Variants in EPHA6 observed in about 807,000 individuals in gnomAD.
The protein encoded by EPHA6 is ephrin type-A receptor 6.
Under a neutral mutation model 112.0 loss-of-function variants are expected in EPHA6, and 50 were observed. The ratio of observed to expected loss-of-function variants is 0.45; its 90% CI spans 0.36 to 0.56. EPHA6 has a LOEUF of 0.56. Ranked by LOEUF, EPHA6 falls within the 20% of genes least tolerant of loss-of-function variation. The pLI, the probability that EPHA6 is intolerant of heterozygous loss-of-function variation, is 0.00. For missense variants in EPHA6, 1,280 were observed against 1,417.4 expected, an observed-to-expected ratio of 0.90 and a Z score of 1.56; for synonymous variants, 529 against 490.7, an observed-to-expected ratio of 1.08 and a Z score of -1.03.
intron 6 of EPHA6, among the ~76,000 whole-genome samples, chr3:97,435,739 T>C (rs1338643820): frequency 6.6e-6 from 1 of 152,192 alleles, no homozygotes; most frequent in Non-Finnish European, 1.5e-5. Context: ...TATGGCTTCA[T>C]CCTAGGTATT....
At chr3:96,937,072 G>A (rs560643289) in intron 2 of EPHA6, among the ~76,000 whole-genome samples, 6 of 152,200 alleles carry the variant, frequency 3.9e-5, no homozygotes, top group East Asian at 1.9e-4. Flanking sequence ...ATAAACATAC[G>A]TGTGCATGTG....
At chr3:97,092,995 G>T (rs1346459238) in intron 3 of EPHA6, among the ~76,000 whole-genome samples, 1 of 151,928 alleles carries the variant, frequency 6.6e-6, no homozygotes, top group Non-Finnish European at 1.5e-5. Flanking sequence ...CCACTTGGTG[G>T]GTAGAATAAG....
chr3:97,658,583 C>T (rs1338033137), intron 14 of EPHA6, among the ~76,000 whole-genome samples: 2 of 151,834 alleles, frequency 1.3e-5, no homozygotes, highest in Admixed American at 6.6e-5. Flanking sequence ...TTTTAAGGCA[C>T]TTGGAAACGA....
chr3:97,207,370 T>C (rs2077741323), intron 3 of EPHA6, among the ~76,000 whole-genome samples: 1 of 152,158 alleles, frequency 6.6e-6, no homozygotes, highest in Non-Finnish European at 1.5e-5. Flanking sequence ...TTCTCACAAG[T>C]GCCCATACTC....
At chr3:97,026,555 TA>T (rs1336261867) in intron 3 of EPHA6, among the ~76,000 whole-genome samples, 2 of 152,120 alleles carry the variant, frequency 1.3e-5, no homozygotes, top group Non-Finnish European at 2.9e-5. Flanking sequence ...GACTTGGCTG[TA>T]AGTCTAATAT....
In EPHA6 at chr3:97,432,356, A is replaced by G. The variant is rs563271405; in HGVS notation, c.1732-16212A>G. Among the ~76,000 whole-genome samples, 7 of 152,292 alleles carry G rather than the reference A, an allele frequency of 4.6e-5. No homozygotes were observed. In the South Asian group the frequency reaches 1.2e-3, roughly 27 times the overall value. On this transcript the variant is annotated intron_variant, in intron 6 of 17. Transcript: ENST00000389672. ...AATTACGTTCACAACAGCATTGATAATCATTCTAACATTTAATGAGGATGT... is the reference window on the plus strand; with the variant it reads ...AATTACGTTCACAACAGCATTGATAGTCATTCTAACATTTAATGAGGATGT...
At position 97,292,007 on chromosome 3, in the gene EPHA6, A is replaced by C. The variant is rs541876896; in HGVS notation, c.1606+47720A>C. 7.2e-5 allele frequency among the ~76,000 whole-genome samples: 11 copies of C among 152,358 alleles called. No homozygotes were observed. The South Asian group carries it at 2.3e-3, about 32-fold the overall frequency. On this transcript the variant is annotated intron_variant, in intron 5 of 17. Coordinates refer to ENST00000389672, the MANE Select transcript of EPHA6 (RefSeq NM_001080448.3). ...ACGGAGCAGTGGGGGGTATGTGAGCAAACAAGCACAGGGTCCAGCCGCTGC... is the reference window on the plus strand; with the variant it reads ...ACGGAGCAGTGGGGGGTATGTGAGCCAACAAGCACAGGGTCCAGCCGCTGC...
intron 4 of EPHA6, among the ~76,000 whole-genome samples, chr3:97,231,060 T>C (rs2078509698): frequency 6.6e-6 from 1 of 152,156 alleles, no homozygotes; most frequent in African/African-American, 2.4e-5. Context: ...AAATAATCCT[T>C]ATGCCAAAGA....
intron 5 of EPHA6, among the ~76,000 whole-genome samples, chr3:97,385,661 A>G (rs2086019398): frequency 6.6e-6 from 1 of 152,146 alleles, no homozygotes; most frequent in Admixed American, 6.6e-5. Flanking sequence ...GGGAATGGGT[A>G]GTTTACAAAG....
chr3:97,100,993 T>A (rs1449134191), intron 3 of EPHA6, among the ~76,000 whole-genome samples: 1 of 152,030 alleles, frequency 6.6e-6, no homozygotes, highest in African/African-American at 2.4e-5. Context: ...AATTATTTGA[T>A]AATGGAGTTT....
intron 1 of EPHA6, among the ~76,000 whole-genome samples, chr3:96,841,437 C>G (rs527939071): frequency 6.6e-6 from 1 of 152,138 alleles, no homozygotes; most frequent in South Asian, 2.1e-4. Flanking sequence ...TTTCGATTTC[C>G]AAACACGTGT....
At chr3:97,469,456 CT>C (rs2091158368) in intron 7 of EPHA6, among the ~76,000 whole-genome samples, 1 of 151,638 alleles carries the variant, frequency 6.6e-6, no homozygotes, top group Non-Finnish European at 1.5e-5. Context: ...TCTAGAGAAT[CT>C]TTTTTATTTG....
intron 2 of EPHA6, among the ~76,000 whole-genome samples, chr3:96,983,852 T>G (rs765063106): frequency 3.3e-5 from 5 of 152,258 alleles, no homozygotes; most frequent in Non-Finnish European, 7.3e-5. Flanking sequence ...AATCAGCTAC[T>G]GAAGCTTGTG....
chr3:97,487,945 G>T (rs1334494285), intron 10 of EPHA6, among the ~76,000 whole-genome samples: 2 of 152,140 alleles, frequency 1.3e-5, no homozygotes, highest in African/African-American at 2.4e-5. Flanking sequence ...TACATATCTT[G>T]CAAGATATGA....
At chr3:97,521,841 G>A (rs2092547673) in intron 10 of EPHA6, among the ~76,000 whole-genome samples, 1 of 151,274 alleles carries the variant, frequency 6.6e-6, no homozygotes, top group African/African-American at 2.4e-5. Context: ...CTGAATACAA[G>A]GAGTTGAAAG....
At chr3:97,154,165 CA>C (rs527904988) in intron 3 of EPHA6, among the ~76,000 whole-genome samples, 5,185 of 109,058 alleles carry the variant, frequency 0.048, 252 homozygotes, top group African/African-American at 0.14. Context: ...AACACTGTCT[CA>C]AAAAAAAAAA....
At chr3:97,537,250 A>G (rs148543701) in intron 11 of EPHA6, among the ~76,000 whole-genome samples, 1 of 152,260 alleles carries the variant, frequency 6.6e-6, no homozygotes, top group Non-Finnish European at 1.5e-5. Flanking sequence ...ACTGATATAC[A>G]TTAGATTTTT....
intron 13 of EPHA6, among the ~76,000 whole-genome samples, chr3:97,630,271 T>C (rs1476074159): frequency 2.0e-5 from 3 of 151,984 alleles, no homozygotes; most frequent in Non-Finnish European, 4.4e-5. Flanking sequence ...AAGAGAAAGA[T>C]CTTTGAAGGA....
chr3:97,479,933 C>A (rs1020763262), intron 9 of EPHA6, among the ~76,000 whole-genome samples: 1 of 152,304 alleles, frequency 6.6e-6, no homozygotes, highest in Middle Eastern at 3.4e-3. Flanking sequence ...TCCTCCTCAA[C>A]ATCCACCTCC....
Sources: gnomAD v4.1 joint callset for allele counts (sites outside exome capture counted in the v4.1 genomes callset) on GRCh38, gnomAD v4.1.1 for gene constraint, MANE v1.5 for transcripts, NCBI Gene and HGNC (gene_info 2026-07-23, HGNC 2026-07-21) for gene names.